Variants in ERC1 observed in about 807,000 individuals in gnomAD.
The protein encoded by ERC1 is ELKS/RAB6-interacting/CAST family member 1.
ERC1 carries 56 observed loss-of-function variants against 132.0 expected under a neutral mutation model. The ratio of observed to expected loss-of-function variants is 0.42; its 90% CI spans 0.34 to 0.53. The LOEUF is 0.53. Ranked by LOEUF, ERC1 falls within the 20% of genes least tolerant of loss-of-function variation. ERC1 has a pLI of 0.03. For synonymous variants in ERC1, 478 were observed against 476.1 expected (o/e 1.00, Z -0.05); for missense variants, 1,202 against 1,349.9 (o/e 0.89, Z 1.72).
At chr12:1,402,456 G>A (rs1013780082) in intron 16 of ERC1, among the ~76,000 whole-genome samples, 1 of 151,844 alleles carries the variant, frequency 6.6e-6, no homozygotes, top group African/African-American at 2.4e-5. Context: ...CTTGAACCCG[G>A]AGGTTGTAGT....
intron 15 of ERC1, among the ~76,000 whole-genome samples, chr12:1,295,552 A>C (rs1397186007): frequency 3.3e-5 from 5 of 152,184 alleles, no homozygotes; most frequent in Non-Finnish European, 7.3e-5. Flanking sequence ...CCCAGTCAAC[A>C]TGGAGAAATC....
At chr12:998,421 T>G (rs1247491545) in intron 1 of ERC1, 2 of 152,210 alleles carry the variant, frequency 1.3e-5, no homozygotes, top group African/African-American at 2.4e-5. Flanking sequence ...GGAGGCTGTT[T>G]CCAAGCTCAC....
intron 7 of ERC1, among the ~76,000 whole-genome samples, chr12:1,125,685 C>T (rs535454023): frequency 6.5e-4 from 99 of 152,092 alleles, no homozygotes; most frequent in African/African-American, 2.2e-3. Context: ...CACGGTGGTG[C>T]GCACCTGTAA....
chr12:1,190,334 T>G (rs769584759), intron 12 of ERC1: 3 of 442,550 alleles, frequency 6.8e-6, no homozygotes, highest in Non-Finnish European at 8.5e-6. Flanking sequence ...TTTTTTTTAC[T>G]GGCAAATCAA....
At chr12:1,157,195 C>T (rs1364750441) in intron 8 of ERC1, among the ~76,000 whole-genome samples, 1 of 152,124 alleles carries the variant, frequency 6.6e-6, no homozygotes, top group Non-Finnish European at 1.5e-5. Context: ...CTCTACCTCC[C>T]AGGCTCCAAG....
intron 15 of ERC1, among the ~76,000 whole-genome samples, chr12:1,338,142 C>T (rs1293043246): frequency 2.0e-5 from 3 of 152,154 alleles, no homozygotes; most frequent in Non-Finnish European, 4.4e-5. Flanking sequence ...CAGTTGCTTA[C>T]GCTCTCCCCA....
intron 7 of ERC1, among the ~76,000 whole-genome samples, chr12:1,130,393 G>A (rs918314937): frequency 2.6e-5 from 4 of 152,032 alleles, no homozygotes; most frequent in African/African-American, 4.8e-5. Context: ...ATACCAGAAC[G>A]AGGAAGTGTT....
chr12:1,419,278 C>T (rs2092326599), intron 17 of ERC1, among the ~76,000 whole-genome samples: 1 of 152,028 alleles, frequency 6.6e-6, no homozygotes, highest in Non-Finnish European at 1.5e-5. Context: ...TGTAACTATT[C>T]TCCTAAGTGT....
intron 18 of ERC1, among the ~76,000 whole-genome samples, chr12:1,486,830 TTAACA>T (rs2094226631): frequency 1.3e-5 from 2 of 152,226 alleles, no homozygotes; most frequent in Admixed American, 6.5e-5. Flanking sequence ...GATTATCTAC[TTAACA>T]TAACAGAAGC....
At chr12:1,425,821 G>A (rs1453262748) in intron 17 of ERC1, among the ~76,000 whole-genome samples, 3 of 152,102 alleles carry the variant, frequency 2.0e-5, no homozygotes, top group Non-Finnish European at 4.4e-5. Flanking sequence ...GAAAAATGTA[G>A]ACACCTACTT....
intron 2 of ERC1, among the ~76,000 whole-genome samples, chr12:1,076,388 TTTC>T (rs1468458085): frequency 0.014 from 2,046 of 146,788 alleles, 20 homozygotes; most frequent in Non-Finnish European, 0.022. Flanking sequence ...TGATTTTTTT[TTTC>T]TTTTTCTTTT....
In ERC1 at chr12:1,110,230, C is replaced by G. The variant is rs1261380660; in HGVS notation, c.1200C>G (p.Asp400Glu). 1 of 1,613,196 alleles carries G rather than the reference C, an allele frequency of 6.2e-7. No homozygotes were observed. Among genetic ancestry groups the G allele is most frequent in the East Asian group, 2.2e-5 (1 of 44,808 alleles). Reference sequence around the variant, plus strand: ...CCTCTATGGAGCGTGGGCTTCGAGACCTGGAAGAGGAAATTCAGATGCTGA... The same window carrying G: ...CCTCTATGGAGCGTGGGCTTCGAGAGCTGGAAGAGGAAATTCAGATGCTGA... The part of the protein sequence containing the change: ...KISSMERGLR[D>E]LEEEIQMLKS... Residue 400 changes from aspartate (D) to glutamate (E), a missense_variant, in exon 5 of 19, where the codon GAC becomes GAG. Coordinates refer to ENST00000360905, the MANE Select transcript of ERC1 (RefSeq NM_178040.4).
At chr12:1,219,642 T>TTTTTTC (rs1185183166) in intron 12 of ERC1, among the ~76,000 whole-genome samples, 1 of 151,026 alleles carries the variant, frequency 6.6e-6, no homozygotes, top group African/African-American at 2.5e-5. Flanking sequence ...TCTCTTTTTT[T>TTTTTTC]TTTTTTCTTT....
At chr12:1,354,456 G>A (rs2085332283) in intron 15 of ERC1, among the ~76,000 whole-genome samples, 1 of 152,006 alleles carries the variant, frequency 6.6e-6, no homozygotes, top group African/African-American at 2.4e-5. Flanking sequence ...CTGGGAGGCA[G>A]GGGTTTCAGT....
chr12:1,477,376 C>T (rs975770364), intron 18 of ERC1, among the ~76,000 whole-genome samples: 21 of 152,164 alleles, frequency 1.4e-4, no homozygotes, highest in African/African-American at 5.1e-4. Flanking sequence ...AAACACATTT[C>T]GCTAAGCAGA....
intron 17 of ERC1, among the ~76,000 whole-genome samples, chr12:1,414,240 G>C (rs1343483575): frequency 1.3e-5 from 2 of 152,178 alleles, no homozygotes; most frequent in Non-Finnish European, 2.9e-5. Context: ...ATTTTTTACT[G>C]TTCTAGGGGC....
intron 14 of ERC1, among the ~76,000 whole-genome samples, chr12:1,271,257 TCAGGCAATA>T (rs1284078128): frequency 1.3e-5 from 2 of 152,164 alleles, no homozygotes; most frequent in African/African-American, 4.8e-5. Context: ...GTTGGGCAGA[TCAGGCAATA>T]GCTGAAGAGA....
intron 3 of ERC1, among the ~76,000 whole-genome samples, chr12:1,095,981 A>G (rs111542448): frequency 0.024 from 3,649 of 149,552 alleles, 134 homozygotes; most frequent in African/African-American, 0.086. Context: ...CCTAGAGTGC[A>G]GTGGCGTGAT....
intron 17 of ERC1, among the ~76,000 whole-genome samples, chr12:1,420,177 A>G (rs2092365650): frequency 6.6e-6 from 1 of 151,852 alleles, no homozygotes; most frequent in Non-Finnish European, 1.5e-5. Flanking sequence ...GTTCACATTC[A>G]GCATTTCCTT....
Sources: gnomAD v4.1 joint callset for allele counts (sites outside exome capture counted in the v4.1 genomes callset) on GRCh38, gnomAD v4.1.1 for gene constraint, MANE v1.5 for transcripts, NCBI Gene and HGNC (gene_info 2026-07-23, HGNC 2026-07-21) for gene names.